Variants in ADCY2 observed in about 807,000 individuals in gnomAD.
The protein encoded by ADCY2 is adenylate cyclase type 2.
ADCY2 carries 31 observed loss-of-function variants against 125.2 expected under a neutral mutation model. The observed-to-expected ratio is 0.25, with a 90% CI of 0.19 to 0.33. ADCY2 has a LOEUF of 0.33. ADCY2 is among the 10% of genes least tolerant of loss of function. The pLI, the probability that ADCY2 is intolerant of heterozygous loss-of-function variation, is 1.00. For synonymous variants in ADCY2, 512 were observed against 548.4 expected (o/e 0.93, Z 0.93); for missense variants, 904 against 1,418.2 (o/e 0.64, Z 5.82).
At chr5:7,673,269 AATATAT>A (rs1180249627) in intron 4 of ADCY2, among the ~76,000 whole-genome samples, 2 of 3,930 alleles carry the variant, frequency 5.1e-4, no homozygotes, top group African/African-American at 1.3e-3. Context: ...AAAAAAAAAA[AATATAT>A]ATATATATAT....
At chr5:7,581,848 G>C (rs1395013586) in intron 3 of ADCY2, among the ~76,000 whole-genome samples, 1 of 150,006 alleles carries the variant, frequency 6.7e-6, no homozygotes, top group Non-Finnish European at 1.5e-5. Flanking sequence ...AAAAGAAAAA[G>C]AAAAGAAAAG....
intron 3 of ADCY2, among the ~76,000 whole-genome samples, chr5:7,598,114 G>T (rs530535344): frequency 6.6e-6 from 1 of 152,188 alleles, no homozygotes; most frequent in Non-Finnish European, 1.5e-5. Context: ...CATGAGAGAG[G>T]CCACCTTTTG....
intron 4 of ADCY2, among the ~76,000 whole-genome samples, chr5:7,637,412 A>G (rs983979186): frequency 6.7e-6 from 1 of 149,020 alleles, no homozygotes; most frequent in Admixed American, 6.7e-5. Flanking sequence ...AGCCTGGGTA[A>G]CAGAGTGAGA....
chr5:7,435,855 G>A (rs1238097268), intron 2 of ADCY2, among the ~76,000 whole-genome samples: 3 of 152,198 alleles, frequency 2.0e-5, no homozygotes, highest in Non-Finnish European at 2.9e-5. Context: ...AGATAACTGA[G>A]CAGTTTTTTC....
chr5:7,685,718 C>T (rs1374015014), intron 4 of ADCY2, among the ~76,000 whole-genome samples: 4 of 152,166 alleles, frequency 2.6e-5, no homozygotes, highest in Admixed American at 2.0e-4. Context: ...CTGTTATTGT[C>T]TGAGACTTGG....
intron 4 of ADCY2, among the ~76,000 whole-genome samples, chr5:7,664,978 C>T (rs766013249): frequency 1.3e-5 from 2 of 152,106 alleles, no homozygotes; most frequent in Non-Finnish European, 2.9e-5. Flanking sequence ...AGCCTGGGAG[C>T]CCCGCCCCCT....
chr5:7,625,775 G>C (rs944521723), intron 3 of ADCY2, among the ~76,000 whole-genome samples: 8 of 152,312 alleles, frequency 5.3e-5, no homozygotes, highest in Admixed American at 5.2e-4. Flanking sequence ...CCTGGGACTG[G>C]TGGGCTACCC....
intron 3 of ADCY2, among the ~76,000 whole-genome samples, chr5:7,581,955 T>C (rs879626418): frequency 6.6e-6 from 1 of 151,804 alleles, no homozygotes; most frequent in Non-Finnish European, 1.5e-5. Flanking sequence ...TGAATGTGAG[T>C]GGACTAGAAA....
At chr5:7,648,070 A>G (rs1200462806) in intron 4 of ADCY2, among the ~76,000 whole-genome samples, 6 of 152,204 alleles carry the variant, frequency 3.9e-5, no homozygotes. Context: ...CAGCCTTAAT[A>G]GTCCATGAGA....
At position 7,396,455 on chromosome 5, in the gene ADCY2, C is replaced by T; in HGVS notation, c.159C>T (p.Ile53=). The change falls in exon 1 of 25, where the codon ATC becomes ATT. Residue 53 remains isoleucine, a synonymous_variant. Transcript: ENST00000338316. This position sits in a 1 kb window ranked among gnomAD's most constrained non-coding sequence, Gnocchi z 5.7. Reference sequence around the variant, plus strand: ...CGCTCATCGTCTTCCTGCTGCTCATCGTCATGGGCTCCTGCCTCGCCCTGC... The same window carrying T: ...CGCTCATCGTCTTCCTGCTGCTCATTGTCATGGGCTCCTGCCTCGCCCTGC... The part of the protein sequence containing the change: ...QHPLIVFLLL[I]VMGSCLALLA... 2 of 1,577,202 alleles carry T rather than the reference C, an allele frequency of 1.3e-6. No individual in the cohort carries two copies. Among genetic ancestry groups the T allele is most frequent in the South Asian group, 1.1e-5 (1 of 88,058 alleles).
chr5:7,695,409 G>T (rs1440153826), intron 5 of ADCY2, among the ~76,000 whole-genome samples: 9 of 152,188 alleles, frequency 5.9e-5, no homozygotes, highest in Non-Finnish European at 1.3e-4. Flanking sequence ...TTCCATGTCT[G>T]CTTCATCCTG....
chr5:7,763,711 G>A (rs774695028), intron 16 of ADCY2, among the ~76,000 whole-genome samples: 27 of 152,202 alleles, frequency 1.8e-4, no homozygotes, highest in South Asian at 1.2e-3. Context: ...CCCTGGCATC[G>A]TGCCCTCGGG....
intron 3 of ADCY2, among the ~76,000 whole-genome samples, chr5:7,525,208 T>C (rs913402653): frequency 2.0e-5 from 3 of 152,188 alleles, no homozygotes; most frequent in African/African-American, 4.8e-5. Flanking sequence ...GGTTTCACCA[T>C]GTTGCCCAGG....
chr5:7,584,167 A>T lies in ADCY2; in HGVS notation c.571-42000A>T, dbSNP rs1736538914. Among the ~76,000 whole-genome samples, 4 of 152,102 alleles carry T rather than the reference A, an allele frequency of 2.6e-5. No homozygotes were observed. In the South Asian group the frequency reaches 8.3e-4, roughly 31 times the overall value. On this transcript the variant is annotated intron_variant, in intron 3 of 24. Transcript: ENST00000338316. Reference sequence around the variant, plus strand: ...CATTTGTCAAAAATTATTAAATGGTACTAAAGACCTAATGTAAAGCATAAT... The same window carrying T: ...CATTTGTCAAAAATTATTAAATGGTTCTAAAGACCTAATGTAAAGCATAAT...
chr5:7,493,002 G>A (rs1241166806), intron 2 of ADCY2, among the ~76,000 whole-genome samples: 1 of 152,196 alleles, frequency 6.6e-6, no homozygotes, highest in Non-Finnish European at 1.5e-5. Context: ...TGCTCAGCCG[G>A]GGTTCTGAGC....
At chr5:7,627,478 T>C (rs982463715) in intron 4 of ADCY2, among the ~76,000 whole-genome samples, 9 of 152,182 alleles carry the variant, frequency 5.9e-5, no homozygotes, top group East Asian at 1.9e-4. Flanking sequence ...TGGGTTTGTG[T>C]ATTTCTCACT....
At chr5:7,444,148 C>T (rs1256866759) in intron 2 of ADCY2, among the ~76,000 whole-genome samples, 3 of 131,224 alleles carry the variant, frequency 2.3e-5, no homozygotes, top group East Asian at 2.2e-4. Context: ...GAGTCTCGCT[C>T]TGTCTCCCCG....
chr5:7,701,639 C>T (rs1741081892), intron 7 of ADCY2, among the ~76,000 whole-genome samples: 1 of 152,300 alleles, frequency 6.6e-6, no homozygotes, highest in Admixed American at 6.5e-5. Context: ...ACCCATTAAG[C>T]AGTAACTCCC....
chr5:7,743,766 T>G lies in ADCY2; in HGVS notation c.1956+14T>G. On this transcript the variant is annotated intron_variant, in intron 15 of 24. Coordinates refer to ENST00000338316, the MANE Select transcript of ADCY2 (RefSeq NM_020546.3). ...GGACAGCTTCTGGTAGGTATTCAAA[T>G]GTGGCGCTTCTTTGAAAAGTATGCT... The G allele has an allele frequency of 6.2e-7, 1 of 1,610,718 alleles. No homozygotes were observed. The highest frequency in any genetic ancestry group is 1.7e-4 in the Middle Eastern group (1 of 6,056).
Sources: allele counts gnomAD v4.1 joint callset (sites outside exome capture counted in the v4.1 genomes callset), GRCh38; gene constraint gnomAD v4.1.1; non-coding constraint Gnocchi (gnomAD v3.1); transcripts MANE v1.5; gene names NCBI Gene and HGNC (gene_info 2026-07-23, HGNC 2026-07-21).